FSTL5: variants seen among roughly 807,000 people sequenced by gnomAD.
FSTL5 encodes the protein follistatin like 5.
In FSTL5, 62 loss-of-function variants were observed where a neutral mutation model predicts 89.1. The observed-to-expected ratio is 0.70, with a 90% CI of 0.57 to 0.86. FSTL5 has a LOEUF of 0.86. Ranked by LOEUF, FSTL5 falls within the 40% of genes least tolerant of loss-of-function variation. The pLI is 0.00. For synonymous variants in FSTL5, 383 were observed against 346.2 expected (o/e 1.11, Z -1.18); for missense variants, 1,057 against 1,001.6 (o/e 1.06, Z -0.75).
chr4:161,598,664 G>A (rs1184013705), intron 7 of FSTL5, among the ~76,000 whole-genome samples: 3 of 151,868 alleles, frequency 2.0e-5, no homozygotes, highest in African/African-American at 7.3e-5. Context: ...GTATATATAC[G>A]ATACCTAGAT....
chr4:161,905,328 G>A (rs928779204), intron 4 of FSTL5, among the ~76,000 whole-genome samples: 1 of 152,040 alleles, frequency 6.6e-6, no homozygotes, highest in African/African-American at 2.4e-5. Context: ...GTTATAGTTG[G>A]TGCTTAGTTA....
intron 4 of FSTL5, among the ~76,000 whole-genome samples, chr4:161,877,467 C>T (rs1174234810): frequency 6.6e-6 from 1 of 150,738 alleles, no homozygotes; most frequent in East Asian, 2.0e-4. Flanking sequence ...TTTAACTATT[C>T]CTATAATATA....
At chr4:161,965,039 A>G (rs1426160696) in intron 3 of FSTL5, among the ~76,000 whole-genome samples, 1 of 152,128 alleles carries the variant, frequency 6.6e-6, no homozygotes, top group Non-Finnish European at 1.5e-5. Context: ...ATTTCCCTAA[A>G]GCATCATTAC....
intron 8 of FSTL5, among the ~76,000 whole-genome samples, chr4:161,567,155 T>C (rs373833711): frequency 6.6e-6 from 1 of 152,116 alleles, no homozygotes; most frequent in Non-Finnish European, 1.5e-5. Flanking sequence ...CTATTTTAAA[T>C]TGAACTACAA....
chr4:162,023,197 G>C (rs1172151877), intron 3 of FSTL5, among the ~76,000 whole-genome samples: 2 of 152,110 alleles, frequency 1.3e-5, no homozygotes, highest in Non-Finnish European at 2.9e-5. Context: ...GGTATGGTAA[G>C]ATTTCCTAGG....
intron 1 of FSTL5, among the ~76,000 whole-genome samples, chr4:162,151,868 GC>G (rs1733238177): frequency 6.6e-6 from 1 of 152,066 alleles, no homozygotes; most frequent in Non-Finnish European, 1.5e-5. Context: ...TATTTTTGAG[GC>G]AAAACAAAGC....
intron 15 of FSTL5, among the ~76,000 whole-genome samples, chr4:161,439,734 C>T (rs12642753): frequency 1.5e-5 from 2 of 134,522 alleles, no homozygotes; most frequent in Non-Finnish European, 3.2e-5. Flanking sequence ...ACACACACAC[C>T]CCACACGCAC....
chr4:162,099,130 C>T (rs529345482), intron 2 of FSTL5, among the ~76,000 whole-genome samples: 1 of 152,182 alleles, frequency 6.6e-6, no homozygotes, highest in Admixed American at 6.5e-5. Context: ...TCACCTCGAA[C>T]ATGTATCATT....
At chr4:161,964,488 A>G (rs1331430556) in intron 3 of FSTL5, among the ~76,000 whole-genome samples, 1 of 152,074 alleles carries the variant, frequency 6.6e-6, no homozygotes, top group African/African-American at 2.4e-5. Context: ...TTTAGCAGAA[A>G]TAACAGGGAT....
intron 7 of FSTL5, among the ~76,000 whole-genome samples, chr4:161,622,818 AC>A (rs1735191310): frequency 1.3e-5 from 2 of 152,034 alleles, no homozygotes; most frequent in African/African-American, 4.8e-5. Flanking sequence ...CATTACTTAA[AC>A]CTGAGTATAT....
At chr4:161,831,215 T>C (rs1730834633) in intron 4 of FSTL5, among the ~76,000 whole-genome samples, 1 of 151,996 alleles carries the variant, frequency 6.6e-6, no homozygotes, top group Admixed American at 6.6e-5. Context: ...TCATGTTGTA[T>C]ACCTTAAATA....
chr4:161,488,577 T>C (rs1381873009), intron 12 of FSTL5, among the ~76,000 whole-genome samples: 2 of 152,098 alleles, frequency 1.3e-5, no homozygotes, highest in African/African-American at 4.8e-5. Flanking sequence ...GCACTTATAT[T>C]ATCTGTGCAA....
intron 7 of FSTL5, among the ~76,000 whole-genome samples, chr4:161,623,977 C>T (rs1735225970): frequency 6.6e-6 from 1 of 151,828 alleles, no homozygotes; most frequent in Non-Finnish European, 1.5e-5. Flanking sequence ...GCAAGGCAAA[C>T]TTTAGAACAC....
At chr4:161,489,265 T>C (rs1415569810) in intron 12 of FSTL5, among the ~76,000 whole-genome samples, 2 of 152,042 alleles carry the variant, frequency 1.3e-5, no homozygotes, top group South Asian at 2.1e-4. Context: ...AGGGGGAAGG[T>C]CCAGGGGCCA....
At chr4:161,781,846 A>C (rs552947712) in intron 4 of FSTL5, among the ~76,000 whole-genome samples, 1 of 152,278 alleles carries the variant, frequency 6.6e-6, no homozygotes, top group African/African-American at 2.4e-5. Flanking sequence ...CCATTATACT[A>C]TAATTTACAG....
At chr4:161,434,989 A>C (rs1181654388) in intron 15 of FSTL5, among the ~76,000 whole-genome samples, 1 of 152,094 alleles carries the variant, frequency 6.6e-6, no homozygotes, top group Non-Finnish European at 1.5e-5. Context: ...GCAATTAGAA[A>C]ATCCACTGTG....
intron 4 of FSTL5, among the ~76,000 whole-genome samples, chr4:161,893,122 T>G (rs1733041663): frequency 2.6e-5 from 4 of 152,274 alleles, no homozygotes; most frequent in African/African-American, 9.6e-5. Context: ...AAGATACTTC[T>G]GCTTTTGTGA....
At chr4:161,394,278 T>G (rs1730925883) in intron 15 of FSTL5, among the ~76,000 whole-genome samples, 1 of 152,170 alleles carries the variant, frequency 6.6e-6, no homozygotes. Flanking sequence ...ACCCATTTTT[T>G]GTTTTGTTTT....
intron 4 of FSTL5, among the ~76,000 whole-genome samples, chr4:161,827,457 G>C (rs1395690945): frequency 6.6e-6 from 1 of 152,208 alleles, no homozygotes. Context: ...ACTTTCAAGA[G>C]TGCATCAGAT....
Sources: allele counts gnomAD v4.1 joint callset (sites outside exome capture counted in the v4.1 genomes callset), GRCh38; gene constraint gnomAD v4.1.1; transcripts MANE v1.5; gene names NCBI Gene and HGNC (gene_info 2026-07-23, HGNC 2026-07-21).